ANKRD2: variants seen among roughly 807,000 people sequenced by gnomAD.
ANKRD2 encodes ankyrin repeat domain-containing protein 2.
A neutral mutation model predicts 37.3 loss-of-function variants in ANKRD2; 35 were observed. The ratio of observed to expected loss-of-function variants is 0.94; its 90% CI spans 0.72 to 1.24. The LOEUF is 1.24. ANKRD2 is among the 50% of genes most tolerant of loss of function. The pLI is 0.00. For missense variants in ANKRD2, 410 were observed against 445.6 expected (o/e 0.92, Z 0.72); for synonymous variants, 159 against 186.5 (o/e 0.85, Z 1.20).
intron 4 of ANKRD2, among the ~76,000 whole-genome samples, chr10:97,579,683 G>C (rs1388992382): frequency 6.6e-6 from 1 of 151,984 alleles, no homozygotes; most frequent in East Asian, 1.9e-4. Flanking sequence ...CACCTCCCAG[G>C]TTCAAGTGAT....
At chr10:97,574,324 C>T (rs1016214873) in intron 1 of ANKRD2, among the ~76,000 whole-genome samples, 2 of 151,476 alleles carry the variant, frequency 1.3e-5, no homozygotes, top group African/African-American at 4.9e-5. Context: ...CAGGAGGATA[C>T]CTGAGCTGGG....
chr10:97,582,357 G>C lies in ANKRD2; in HGVS notation c.697G>C (p.Val233Leu). The C allele has an allele frequency of 6.4e-7, 1 of 1,561,332 alleles. No homozygotes were observed. The highest frequency in any genetic ancestry group is 1.7e-4 in the Middle Eastern group (1 of 6,004). The change falls in exon 7 of 9, where the codon GTG (valine) becomes CTG (leucine). Residue 233 changes from valine to leucine, a missense_variant. Physicochemically the swap from Val to Leu is conservative, Grantham distance 32. Transcript: ENST00000370655. ...PLHVAVRTGQ[V>L]EIVEHFLSLG... is the part of the protein sequence containing the mutation. ...GCACGTGGCAGTCCGGACAGGGCAG[G>C]TGGAGATTGTGGAGCACTTTCTATC...
At position 97,580,883 on chromosome 10, in the gene ANKRD2, C is replaced by T. The variant is rs760926039; in HGVS notation, c.485C>T (p.Ser162Phe). 4 of 1,611,366 alleles carry T rather than the reference C, an allele frequency of 2.5e-6. No homozygotes were observed. The highest frequency in any genetic ancestry group is 3.4e-6 in the Non-Finnish European group (4 of 1,179,038). Residue 162 changes from serine (S) to phenylalanine (F), a missense_variant, in exon 5 of 9, where the codon TCC (serine) becomes TTC (phenylalanine). By Grantham distance (155) the Ser-to-Phe change is radical (BLOSUM62 -2). Coordinates refer to ENST00000370655, the MANE Select transcript of ANKRD2 (RefSeq NM_001346793.2). The part of the protein sequence containing the change: ...QFRRTALHRA[S>F]LEGHMEILEK... ...CGTCGGACAGCACTGCACCGAGCTT[C>T]CCTGGAAGGCCACATGGAAATCCTG... is the stretch of plus-strand genomic sequence containing the variant.
At chr10:97,577,937 G>A in intron 2 of ANKRD2, 36 bp downstream of exon 2, 1 of 1,525,180 alleles carries the variant, frequency 6.6e-7, no homozygotes, top group Non-Finnish European at 8.8e-7. Context: ...GCACCCAGGG[G>A]ACCAGCCAGG....
At chr10:97,578,423 C>T in intron 3 of ANKRD2, 25 bp downstream of exon 3, 1 of 1,612,352 alleles carries the variant, frequency 6.2e-7, no homozygotes, top group Non-Finnish European at 8.5e-7. Flanking sequence ...GAGGACACCG[C>T]GAGGGGGCGG....
Position 97,577,906 on chromosome 10 carries a change from GC to G in ANKRD2, c.189+7del. The G allele has an allele frequency of 1.3e-6, 2 of 1,554,572 alleles. No homozygotes were observed. Among genetic ancestry groups the G allele is most frequent in the Non-Finnish European group, 1.7e-6 (2 of 1,149,636 alleles). On this transcript the variant is annotated splice_donor_region_variant and intron_variant, in intron 2 of 8. Coordinates refer to ENST00000370655, the MANE Select transcript of ANKRD2 (RefSeq NM_001346793.2). ...GCAGCCCTGCAGAAGGTGAAGGTAA[GC>G]CTGGGAGGATCCAATGTCTGCACCC...
intron 5 of ANKRD2, 31 bp from the exon 6 acceptor site, chr10:97,581,285 T>C: frequency 1.2e-6 from 2 of 1,602,462 alleles, no homozygotes; most frequent in Non-Finnish European, 1.7e-6. Flanking sequence ...TCCCTGCAGC[T>C]CTGTAGTTAG....
At chr10:97,572,774 C>T (rs200310346), upstream of ANKRD2, 346 of 1,599,060 alleles carry the variant, frequency 2.2e-4, no homozygotes, top group Middle Eastern at 5.5e-4. Context: ...GGCCCTGTGG[C>T]CTGCAGAGGC....
intron 2 of ANKRD2, 123 bp downstream of exon 2, chr10:97,578,024 C>T: frequency 3.6e-6 from 4 of 1,113,514 alleles, no homozygotes; most frequent in Non-Finnish European, 3.8e-6. Flanking sequence ...AGCTTGCTAG[C>T]CCTGCAGAAT....
Position 97,577,897 on chromosome 10 carries a change from T to C in ANKRD2, c.185T>C (p.Val62Ala). Residue 62 changes from valine to alanine, a missense_variant, in exon 2 of 9, where the codon GTG becomes GCG. Physicochemically the swap from Val to Ala is moderately conservative, Grantham distance 64. Coordinates refer to ENST00000370655, the MANE Select transcript of ANKRD2 (RefSeq NM_001346793.2). ...GCTCAGAGTGCAGCCCTGCAGAAGG[T>C]GAAGGTAAGCCTGGGAGGATCCAAT... ...HGAQSAALQK[V>A]KGQERVRKTS... 6.4e-7 allele frequency: 1 copy of C among 1,559,968 alleles called. No individual in the cohort carries two copies. Among genetic ancestry groups the C allele is most frequent in the African/African-American group, 1.4e-5 (1 of 74,046 alleles).
In ANKRD2 at chr10:97,581,319, G is replaced by T. The variant is rs1004674541; in HGVS notation, c.559G>T (p.Asp187Tyr). 6.2e-7 allele frequency: 1 copy of T among 1,613,980 alleles called. No individual in the cohort carries two copies. Among genetic ancestry groups the T allele is most frequent in the African/African-American group, 1.3e-5 (1 of 75,046 alleles). ...AGACCCCCTCATTTCTTTCTAGCTG[G>T]ACTGCACAGCCATGCATTGGGCCTG... Reference protein sequence around the residue: ...GATVDFQDRLDCTAMHWACRG... With the variant: ...GATVDFQDRLYCTAMHWACRG... The change falls in exon 6 of 9, where the codon GAC becomes TAC. Residue 187 changes from aspartate to tyrosine, a missense_variant. Asp to Tyr is a radical substitution (Grantham distance 160, BLOSUM62 -3). Transcript: ENST00000370655.
At position 97,580,841 on chromosome 10, in the gene ANKRD2, C is replaced by G. The variant is rs757351042; in HGVS notation, c.457-14C>G. The G allele has an allele frequency of 4.4e-5, 70 of 1,603,870 alleles. No individual in the cohort carries two copies. The highest frequency in any genetic ancestry group is 5.7e-5 in the Non-Finnish European group (67 of 1,174,828). On this transcript the variant is annotated splice_polypyrimidine_tract_variant and intron_variant, in intron 4 of 8. Transcript: ENST00000370655. Reference sequence around the variant, plus strand: ...GAGCCAGAGGCCAGGCCCTGACAGCCTCTCTGGGGACAGTTCCGTCGGACA... The same window carrying G: ...GAGCCAGAGGCCAGGCCCTGACAGCGTCTCTGGGGACAGTTCCGTCGGACA...
At chr10:97,578,634 C>T in intron 4 of ANKRD2, 29 bp downstream of exon 4, 2 of 1,513,956 alleles carry the variant, frequency 1.3e-6, no homozygotes, top group Non-Finnish European at 8.9e-7. Flanking sequence ...CCTGACCAGC[C>T]TCCCTGTCAG....
intron 2 of ANKRD2, 144 bp downstream of exon 2, chr10:97,578,045 T>A: frequency 9.3e-7 from 1 of 1,075,422 alleles, no homozygotes; most frequent in Non-Finnish European, 1.3e-6. Context: ...CTCCGCCCCG[T>A]CCCAGAACTA....
intron 1 of ANKRD2, among the ~76,000 whole-genome samples, chr10:97,574,296 A>G (rs74155505): frequency 0.021 from 2,854 of 135,698 alleles, 66 homozygotes; most frequent in African/African-American, 0.066. Flanking sequence ...AAAAAAAAAA[A>G]GGGGACTCCT....
chr10:97,574,413 G>A (rs1367483238), intron 1 of ANKRD2, among the ~76,000 whole-genome samples: 1 of 152,218 alleles, frequency 6.6e-6, no homozygotes, highest in African/African-American at 2.4e-5. Context: ...AAGTTTCCAT[G>A]AGTGAAAGCG....
intron 1 of ANKRD2, among the ~76,000 whole-genome samples, chr10:97,577,394 G>C (rs2040838585): frequency 6.6e-6 from 1 of 152,152 alleles, no homozygotes; most frequent in South Asian, 2.1e-4. Flanking sequence ...AGCCTCCCCA[G>C]TAGCTGGGAC....
chr10:97,578,145 C>CCCCCCCCCCCCCCCA, intron 2 of ANKRD2, 95 bp from the exon 3 acceptor site: 1 of 376,492 alleles, frequency 2.7e-6, no homozygotes. Context: ...GGTCTTCCTG[C>CCCCCCCCCCCCCCCA]CCACCCCACC....
intron 8 of ANKRD2, among the ~76,000 whole-genome samples, chr10:97,583,258 A>G (rs1214921054): frequency 6.6e-6 from 1 of 152,172 alleles, no homozygotes; most frequent in Admixed American, 6.5e-5. Context: ...TAATGAGAAA[A>G]GCAGGAAAAT....
Sources: allele counts gnomAD v4.1 joint callset (sites outside exome capture counted in the v4.1 genomes callset), GRCh38; gene constraint gnomAD v4.1.1; transcripts MANE v1.5; gene names NCBI Gene and HGNC (gene_info 2026-07-23, HGNC 2026-07-21).